The following CHD5 variants were observed in gnomAD, a reference collection of about 807,000 sequenced individuals.
The protein encoded by CHD5 is ATP-dependent chromatin remodeler CHD5.
Under a neutral mutation model 230.3 loss-of-function variants are expected in CHD5, and 69 were observed. The observed-to-expected ratio is 0.30, with a 90% confidence interval of 0.25 to 0.37. CHD5 has a LOEUF of 0.37. Ranked by LOEUF, CHD5 falls within the 10% of genes least tolerant of loss-of-function variation. The pLI is 1.00. For synonymous variants in CHD5, 1,064 were observed against 1,065.9 expected, an observed-to-expected ratio of 1.00 and a Z score of 0.03; for missense variants, 1,827 against 2,622.8, an observed-to-expected ratio of 0.70 and a Z score of 6.63.
At position 6,128,462 on chromosome 1, in the gene CHD5, G is replaced by T; in HGVS notation, c.3730+37C>A. On this transcript the variant is annotated intron_variant, in intron 24 of 41. Transcript: ENST00000262450. This position sits in a 1 kb window ranked among gnomAD's most constrained non-coding sequence, Gnocchi z 7.8. ...CCTCTGCAGGAGCAGCCACCTGGTC[G>T]GAGGAGGAGCTGAGGCTGGGCTGGG... 1 of 1,514,508 alleles carries T rather than the reference G, an allele frequency of 6.6e-7. No homozygotes were observed. Among genetic ancestry groups the T allele is most frequent in the Non-Finnish European group, 9.2e-7 (1 of 1,091,468 alleles). The allele number at this position is 1,514,508 out of a possible 1,614,324, so 93.8% of individuals were successfully genotyped here.
chr1:6,172,072 C>T (rs1490268913), intron 1 of CHD5, among the ~76,000 whole-genome samples: 1 of 152,264 alleles, frequency 6.6e-6, no homozygotes, highest in African/African-American at 2.4e-5. Flanking sequence ...AGAGCTCCCT[C>T]AGCCCCTCTC....
At position 6,155,360 on chromosome 1, in the gene CHD5, A is replaced by T. The variant is rs992439419; in HGVS notation, c.506+239T>A. Among the ~76,000 whole-genome samples, 1 of 151,982 alleles carries T rather than the reference A, an allele frequency of 6.6e-6. No homozygotes were observed. The highest frequency in any genetic ancestry group is 2.4e-5 in the African/African-American group (1 of 41,384). The stretch of plus-strand genomic sequence containing the variant: ...AGACCCCCCAGGAAAGACTGGAACC[A>T]CCTTCCCCAAGGGGAAGAGACTCAA... On this transcript the variant is annotated intron_variant, in intron 4 of 41. Coordinates refer to ENST00000262450, the MANE Select transcript of CHD5 (RefSeq NM_015557.3). This position sits in a 1 kb window ranked among gnomAD's most constrained non-coding sequence, Gnocchi z 4.0.
chr1:6,134,567 G>A lies in CHD5; in HGVS notation c.3012+151C>T. On this transcript the variant is annotated intron_variant, in intron 19 of 41. Transcript: ENST00000262450. The surrounding 1 kb of genome is among the most constrained non-coding windows in gnomAD (Gnocchi z 6.3). ...AGAGTGGCCACAGGCAACCTTCCAT[G>A]ATGGCCAGGGAAACCTACCATGACA... The A allele has an allele frequency of 1.1e-6, 1 of 899,834 alleles. No homozygotes were observed. Among genetic ancestry groups the A allele is most frequent in the South Asian group, 1.5e-5 (1 of 64,708 alleles). The allele number at this position is 899,834 out of a possible 1,614,324, so 55.7% of individuals were successfully genotyped here.
At chr1:6,158,803 C>A (rs1247002888) in intron 3 of CHD5, among the ~76,000 whole-genome samples, 1 of 151,564 alleles carries the variant, frequency 6.6e-6, no homozygotes, top group Non-Finnish European at 1.5e-5. Flanking sequence ...GTCAGGAGAT[C>A]GAGACCATCC....
chr1:6,130,327 G>A lies in CHD5; in HGVS notation c.3264C>T (p.Ala1088=), dbSNP rs1306095239. 1.9e-6 allele frequency: 3 copies of A among 1,613,618 alleles called. No homozygotes were observed. ...GGAAGCAGAACTGCTGGGCCCCGGG[G>A]GCTGAAAAAGAGAGGCCAGCAGATG... ...LRQEAIDRFN[A]PGAQQFCFLL... Residue 1088 remains alanine (A), a splice_region_variant and synonymous_variant, in exon 22 of 42, where the codon GCC becomes GCT. Coordinates refer to ENST00000262450, the MANE Select transcript of CHD5 (RefSeq NM_015557.3). The surrounding 1 kb of genome is among the most constrained non-coding windows in gnomAD (Gnocchi z 4.9).
chr1:6,174,590 T>G (rs1412645653), intron 1 of CHD5, among the ~76,000 whole-genome samples: 1 of 148,866 alleles, frequency 6.7e-6, no homozygotes, highest in Admixed American at 6.7e-5. Context: ...AGTGGATGGA[T>G]GGTGGATGGG....
In CHD5 at chr1:6,110,433, G is replaced by A; in HGVS notation, c.5343C>T (p.Tyr1781=). 1 of 1,614,054 alleles carries A rather than the reference G, an allele frequency of 6.2e-7. No individual in the cohort carries two copies. The highest frequency in any genetic ancestry group is 8.5e-7 in the Non-Finnish European group (1 of 1,180,032). Residue 1781 remains tyrosine (Y), a synonymous_variant, in exon 37 of 42, where the codon TAC becomes TAT. Transcript: ENST00000262450. ...PFKSEVHKGN[Y]LEMKNKFLAR... ...CCAGGAACTTGTTCTTCATCTCCAG[G>A]TAGTTGCCCTTGTGGACCTCAGACT...
chr1:6,142,431 A>C lies in CHD5; in HGVS notation c.2218T>G (p.Tyr740Asp), dbSNP rs973488871. ...GKTVQTIVFLYSLYKEGHSKG... is the reference protein window; with the variant it reads ...GKTVQTIVFLDSLYKEGHSKG... ...CTGCCCACCTCCTTGTAGAGGGAGT[A>C]AAGGAACACGATGGTCTGCACCGTC... is the stretch of plus-strand genomic sequence containing the variant. The change falls in exon 14 of 42, where the codon TAC (tyrosine) becomes GAC (aspartate). Residue 740 changes from tyrosine to aspartate, a missense_variant. By Grantham distance (160) the Tyr-to-Asp change is radical. Coordinates refer to ENST00000262450, the MANE Select transcript of CHD5 (RefSeq NM_015557.3). The surrounding 1 kb of genome is among the most constrained non-coding windows in gnomAD (Gnocchi z 5.2). 6.2e-7 allele frequency: 1 copy of C among 1,610,252 alleles called. No homozygotes were observed. The highest frequency in any genetic ancestry group is 8.5e-7 in the Non-Finnish European group (1 of 1,176,946).
chr1:6,156,390 G>A (rs1466727550), intron 3 of CHD5, among the ~76,000 whole-genome samples: 2 of 152,158 alleles, frequency 1.3e-5, no homozygotes, highest in Non-Finnish European at 2.9e-5. Context: ...ACAAAAATTA[G>A]TTGGGTGTGT....
chr1:6,155,685 C>G lies in CHD5; in HGVS notation c.420G>C (p.Glu140Asp), dbSNP rs773096618. ...EPKSSGQLMA[E>D]WGLDDVDYLF... ...GGTAGTCCACGTCGTCCAGGCCCCACTCGGCCATGAGCTGCCCCGAGGACT... is the reference window on the plus strand; with the variant it reads ...GGTAGTCCACGTCGTCCAGGCCCCAGTCGGCCATGAGCTGCCCCGAGGACT... Residue 140 changes from glutamate (E) to aspartate (D), a missense_variant, in exon 4 of 42, where the codon GAG becomes GAC. Glu to Asp is a conservative substitution (Grantham distance 45). This residue lies in a region of CHD5 where 657 missense variants were observed against 816.4 expected (regional missense o/e 0.80). Transcript: ENST00000262450. This position sits in a 1 kb window ranked among gnomAD's most constrained non-coding sequence, Gnocchi z 4.0. 1.2e-5 allele frequency: 19 copies of G among 1,613,970 alleles called. No individual in the cohort carries two copies. In the South Asian group the frequency reaches 2.0e-4, roughly 17 times the overall value.
At chr1:6,159,622 G>T (rs1036380080) in intron 2 of CHD5, 107 bp from the exon 3 acceptor site, 1 of 861,624 alleles carries the variant, frequency 1.2e-6, no homozygotes, top group East Asian at 2.6e-5. Flanking sequence ...GCTGGGGATC[G>T]ACCGATCCCC....
intron 29 of CHD5, among the ~76,000 whole-genome samples, 189 bp from the exon 30 acceptor site, chr1:6,124,850 C>T (rs1214968652): frequency 6.6e-6 from 1 of 152,208 alleles, no homozygotes; most frequent in Non-Finnish European, 1.5e-5. Context: ...CTAGGACAGC[C>T]CTGGGTGACC....
At chr1:6,160,415 G>GAGA (rs1313905532) in intron 2 of CHD5, among the ~76,000 whole-genome samples, 2 of 121,384 alleles carry the variant, frequency 1.6e-5, no homozygotes, top group African/African-American at 3.8e-5. Flanking sequence ...GCCAGAGAAG[G>GAGA]GCCCCAGCCA....
chr1:6,141,635 T>C (rs917630654), intron 15 of CHD5, among the ~76,000 whole-genome samples: 1 of 151,842 alleles, frequency 6.6e-6, no homozygotes, highest in Non-Finnish European at 1.5e-5. Context: ...ATAAATAAAA[T>C]AAGTAGCTAA....
intron 15 of CHD5, among the ~76,000 whole-genome samples, chr1:6,138,665 AG>A: frequency 6.6e-6 from 1 of 152,352 alleles, no homozygotes; most frequent in South Asian, 2.1e-4. Context: ...TCGCCTATCT[AG>A]GTGAAGAATG....
At chr1:6,162,511 C>A (rs1465179395) in intron 2 of CHD5, among the ~76,000 whole-genome samples, 4 of 152,160 alleles carry the variant, frequency 2.6e-5, no homozygotes. Context: ...GACGTGCACC[C>A]AGGTCTCCAG....
At chr1:6,166,416 T>C (rs4908534) in intron 2 of CHD5, among the ~76,000 whole-genome samples, 48,276 of 151,348 alleles carry the variant, frequency 0.32, 10,818 homozygotes, top group East Asian at 0.67. Context: ...AGGCAGGGGC[T>C]GGGAGAGAAG....
At chr1:6,166,818 G>A (rs1464138518) in intron 2 of CHD5, among the ~76,000 whole-genome samples, 1 of 152,152 alleles carries the variant, frequency 6.6e-6, no homozygotes, top group Non-Finnish European at 1.5e-5. Context: ...AGCCTGCCAG[G>A]ATGTCATGTC....
chr1:6,107,219 A>G (rs1413475864), intron 38 of CHD5, among the ~76,000 whole-genome samples: 4 of 126,640 alleles, frequency 3.2e-5, no homozygotes, highest in Admixed American at 2.3e-4. Context: ...TGATGGAGGG[A>G]TGGAGGGATG....
Sources: gnomAD v4.1 joint callset for allele counts (sites outside exome capture counted in the v4.1 genomes callset) on GRCh38, gnomAD v4.1.1 for gene constraint, gnomAD v4.1.1 regional missense constraint, Gnocchi (gnomAD v3.1) non-coding constraint, MANE v1.5 for transcripts, NCBI Gene and HGNC (gene_info 2026-07-23, HGNC 2026-07-21) for gene names.